Variants in NRXN1 observed in about 807,000 individuals in gnomAD.
The protein encoded by NRXN1 is neurexin 1.
NRXN1 carries 39 observed loss-of-function variants against 150.9 expected under a neutral mutation model. The ratio of observed to expected loss-of-function variants is 0.26; its 90% CI spans 0.20 to 0.34. The LOEUF is 0.34. Ranked by LOEUF, NRXN1 falls within the 10% of genes least tolerant of loss-of-function variation. NRXN1 has a pLI of 1.00. For missense variants in NRXN1, 1,815 were observed against 1,949.9 expected (o/e 0.93, Z 1.30); for synonymous variants, 924 against 757.0 (o/e 1.22, Z -3.62).
chr2:50,729,920 T>A (rs577075917), intron 5 of NRXN1, among the ~76,000 whole-genome samples: 1 of 152,324 alleles, frequency 6.6e-6, no homozygotes, highest in African/African-American at 2.4e-5. Flanking sequence ...ATGACAGAGA[T>A]GCCTAAGTTC....
Position 50,228,839 on chromosome 2 carries a change from G to A in NRXN1, c.3546+7950C>T, listed in dbSNP as rs1009442912. On this transcript the variant is annotated intron_variant, in intron 18 of 22. Transcript: ENST00000401669. The stretch of plus-strand genomic sequence containing the variant: ...GCCTAGTTGCAGTGTGATCTTCCAG[G>A]GCAGTTGAGCGTCCCCCATTCAGGG... Among the ~76,000 whole-genome samples the A allele has an allele frequency of 2.6e-5, 4 of 151,896 alleles. No homozygotes were observed. The East Asian group carries it at 7.8e-4, about 30-fold the overall frequency.
rs114122669 is a variant in NRXN1, at chr2:50,772,580, T to C, written c.833-148965A>G. Among the ~76,000 whole-genome samples the C allele has an allele frequency of 4.2e-3, 643 of 152,212 alleles. 5 individuals carry two copies. Among genetic ancestry groups the C allele is most frequent in the Non-Finnish European group, 7.2e-3 (487 of 67,972 alleles). ...AACTTGAAAAAAGGAAGGCCACTTA[T>C]ATAAATGCTTGTGTTTTCTTGAGTC... is the stretch of plus-strand genomic sequence containing the variant. On this transcript the variant is annotated intron_variant, in intron 5 of 22. Transcript: ENST00000401669.
At chr2:50,136,350 G>A (rs1706410629) in intron 18 of NRXN1, among the ~76,000 whole-genome samples, 1 of 152,146 alleles carries the variant, frequency 6.6e-6, no homozygotes, top group Admixed American at 6.5e-5. Flanking sequence ...TGGTTACTCA[G>A]GAAATCTTGA....
intron 2 of NRXN1, among the ~76,000 whole-genome samples, chr2:51,013,538 G>A (rs529288379): frequency 1.3e-5 from 2 of 151,660 alleles, no homozygotes; most frequent in African/African-American, 2.4e-5. Flanking sequence ...GGACTTGGGA[G>A]ATTTGCACGT....
chr2:50,751,567 T>A (rs1700597904), intron 5 of NRXN1, among the ~76,000 whole-genome samples: 1 of 151,902 alleles, frequency 6.6e-6, no homozygotes, highest in African/African-American at 2.4e-5. Flanking sequence ...TAACTCTGGA[T>A]TCCACCCCAT....
At chr2:50,591,409 T>TAGAG (rs1365766565) in intron 8 of NRXN1, among the ~76,000 whole-genome samples, 1 of 135,588 alleles carries the variant, frequency 7.4e-6, no homozygotes, top group African/African-American at 2.6e-5. Flanking sequence ...GATAGATAGA[T>TAGAG]AGATAGATAG....
chr2:50,530,974 C>G (rs868229336), intron 11 of NRXN1, among the ~76,000 whole-genome samples: 8 of 152,250 alleles, frequency 5.3e-5, no homozygotes, highest in Middle Eastern at 3.4e-3. Flanking sequence ...ATTAACCTCA[C>G]TGACAGACAT....
At chr2:50,829,592 G>A in intron 5 of NRXN1, 2 of 1,612,032 alleles carry the variant, frequency 1.2e-6, no homozygotes, top group South Asian at 2.2e-5. Flanking sequence ...CATCGTCTGT[G>A]CTGGAGAGCC....
At chr2:50,322,787 A>G (rs2076135483) in intron 17 of NRXN1, among the ~76,000 whole-genome samples, 1 of 152,220 alleles carries the variant, frequency 6.6e-6, no homozygotes, top group Non-Finnish European at 1.5e-5. Context: ...CATGGAGTTA[A>G]GTATTAAAAG....
At chr2:50,451,771 C>G (rs1312447467) in intron 17 of NRXN1, among the ~76,000 whole-genome samples, 1 of 152,142 alleles carries the variant, frequency 6.6e-6, no homozygotes, top group Non-Finnish European at 1.5e-5. Context: ...AGAACACAGG[C>G]ATACATCTTA....
At chr2:50,370,515 G>T (rs528470784) in intron 17 of NRXN1, among the ~76,000 whole-genome samples, 2 of 152,116 alleles carry the variant, frequency 1.3e-5, no homozygotes, top group East Asian at 1.9e-4. Context: ...AAAACAAAGA[G>T]ATGTTGATTT....
chr2:50,848,855 AAAC>A (rs1362105065), intron 5 of NRXN1, among the ~76,000 whole-genome samples: 1 of 152,126 alleles, frequency 6.6e-6, no homozygotes, highest in Admixed American at 6.5e-5. Flanking sequence ...AAGGAGGACA[AAAC>A]AACTGCCACC....
intron 2 of NRXN1, among the ~76,000 whole-genome samples, chr2:50,957,489 T>C (rs1692459016): frequency 6.6e-6 from 1 of 152,068 alleles, no homozygotes; most frequent in South Asian, 2.1e-4. Context: ...ATGCACACAA[T>C]AGCCCTACAA....
intron 17 of NRXN1, among the ~76,000 whole-genome samples, chr2:50,381,975 G>T (rs899722588): frequency 1.3e-5 from 2 of 152,122 alleles, no homozygotes; most frequent in African/African-American, 4.8e-5. Context: ...ACAGGACAGA[G>T]AAGTTATTTA....
intron 18 of NRXN1, among the ~76,000 whole-genome samples, chr2:50,219,198 C>G (rs958401216): frequency 2.0e-5 from 3 of 152,000 alleles, no homozygotes; most frequent in Non-Finnish European, 4.4e-5. Context: ...TTCCTGCCAT[C>G]TAAATTACCC....
At chr2:50,653,682 G>T (rs1372762535) in intron 5 of NRXN1, among the ~76,000 whole-genome samples, 3 of 152,006 alleles carry the variant, frequency 2.0e-5, no homozygotes. Context: ...TTGATTTAAT[G>T]CATAATATAA....
intron 19 of NRXN1, among the ~76,000 whole-genome samples, chr2:50,089,712 C>A (rs1699291929): frequency 6.6e-6 from 1 of 151,778 alleles, no homozygotes; most frequent in Non-Finnish European, 1.5e-5. Context: ...ATCCTGTGAG[C>A]CCAGGAGTTT....
intron 2 of NRXN1, among the ~76,000 whole-genome samples, chr2:50,930,855 C>A (rs558259303): frequency 1.5e-4 from 23 of 152,260 alleles, no homozygotes; most frequent in South Asian, 2.1e-4. Flanking sequence ...AGCTTAATCA[C>A]TGTTAAACAA....
At chr2:50,505,378 C>T (rs1431542062) in intron 13 of NRXN1, among the ~76,000 whole-genome samples, 1 of 152,166 alleles carries the variant, frequency 6.6e-6, no homozygotes, top group Admixed American at 6.6e-5. Flanking sequence ...CTCTAATATT[C>T]AAGAGGCACT....
Sources: gnomAD v4.1 joint callset for allele counts (sites outside exome capture counted in the v4.1 genomes callset) on GRCh38, gnomAD v4.1.1 for gene constraint, MANE v1.5 for transcripts, NCBI Gene and HGNC (gene_info 2026-07-23, HGNC 2026-07-21) for gene names.